Variants in JAKMIP2 observed in about 807,000 individuals in gnomAD.
JAKMIP2 encodes janus kinase and microtubule interacting protein 2, also known as janus kinase and microtubule-interacting protein 2.
Under a neutral mutation model 115.0 loss-of-function variants are expected in JAKMIP2, and 25 were observed. The observed-to-expected ratio is 0.22, with a 90% CI of 0.16 to 0.30. JAKMIP2 has a LOEUF of 0.30. Among genes scored for constraint, JAKMIP2 ranks in the 10% least tolerant of loss-of-function variants. The pLI, the probability that JAKMIP2 is intolerant of heterozygous loss-of-function variation, is 1.00. For missense variants in JAKMIP2, 642 were observed against 957.6 expected (o/e 0.67, Z 4.35); for synonymous variants, 334 against 343.6 (o/e 0.97, Z 0.31).
chr5:147,708,576 T>C (rs1050320419), intron 1 of JAKMIP2, among the ~76,000 whole-genome samples: 8 of 152,236 alleles, frequency 5.3e-5, no homozygotes, highest in African/African-American at 1.4e-4. Flanking sequence ...CTTGTTATTT[T>C]TCATTCACAG....
chr5:147,775,308 A>G (rs1398472384), intron 1 of JAKMIP2, among the ~76,000 whole-genome samples: 1 of 152,192 alleles, frequency 6.6e-6, no homozygotes, highest in Non-Finnish European at 1.5e-5. Context: ...TAATTTTTGA[A>G]TGGAGATAGG....
intron 1 of JAKMIP2, among the ~76,000 whole-genome samples, chr5:147,738,529 T>C (rs182492321): frequency 1.7e-4 from 26 of 152,176 alleles, no homozygotes; most frequent in African/African-American, 5.5e-4. Context: ...CCCACTGGCA[T>C]AAATCTTGAA....
chr5:147,712,715 T>C (rs970143564), intron 1 of JAKMIP2, among the ~76,000 whole-genome samples: 1 of 152,144 alleles, frequency 6.6e-6, no homozygotes. Context: ...TCCATCTTAA[T>C]TTTGACATCG....
At chr5:147,726,722 T>C (rs72835159) in intron 1 of JAKMIP2, among the ~76,000 whole-genome samples, 18,450 of 152,216 alleles carry the variant, frequency 0.12, 1,202 homozygotes, top group Middle Eastern at 0.18. Context: ...TTGCTGCAGG[T>C]CCCTGAAACA....
chr5:147,644,946 C>A lies in JAKMIP2; in HGVS notation c.987G>T (p.Arg329Ser). The change falls in exon 6 of 22, where the codon AGG becomes AGT. Residue 329 changes from arginine (R) to serine (S), a missense_variant. Coordinates refer to ENST00000616793, the MANE Select transcript of JAKMIP2 (RefSeq NM_001270941.2). ...CGTTTCTCTTGGCGAGGCACTTGTT[C>A]CTTTCCAGGAGAGGTTTACATTGCT... ...TEKQCKPLLE[R>S]NKCLAKRNDE... 6.2e-7 allele frequency: 1 copy of A among 1,613,346 alleles called. No individual in the cohort carries two copies. The highest frequency in any genetic ancestry group is 8.5e-7 in the Non-Finnish European group (1 of 1,179,790).
intron 15 of JAKMIP2, among the ~76,000 whole-genome samples, 168 bp from the exon 16 acceptor site, chr5:147,628,984 C>T (rs1757235476): frequency 1.3e-5 from 2 of 152,012 alleles, no homozygotes; most frequent in African/African-American, 4.8e-5. Flanking sequence ...AATCAAAACC[C>T]GGAAGAAGTA....
At chr5:147,703,561 T>G (rs1324384761) in intron 1 of JAKMIP2, among the ~76,000 whole-genome samples, 1 of 151,680 alleles carries the variant, frequency 6.6e-6, no homozygotes, top group South Asian at 2.1e-4. Context: ...TTTTATTTCT[T>G]CAATAAGAAG....
At chr5:147,604,570 A>G (rs1196163731) in intron 20 of JAKMIP2, among the ~76,000 whole-genome samples, 1 of 152,156 alleles carries the variant, frequency 6.6e-6, no homozygotes, top group Non-Finnish European at 1.5e-5. Flanking sequence ...TAATTATAGA[A>G]GCAATCTGGG....
At chr5:147,643,253 G>A (rs1157815821) in intron 7 of JAKMIP2, among the ~76,000 whole-genome samples, 1 of 152,094 alleles carries the variant, frequency 6.6e-6, no homozygotes, top group Non-Finnish European at 1.5e-5. Context: ...TAAAAAGGAT[G>A]AATCATAAGT....
chr5:147,736,178 G>A (rs759324521), intron 1 of JAKMIP2, among the ~76,000 whole-genome samples: 6 of 152,080 alleles, frequency 3.9e-5, no homozygotes, highest in South Asian at 2.1e-4. Context: ...TTTGGGGGCC[G>A]GGCACAGTGG....
chr5:147,639,894 A>G (rs1342289701), intron 9 of JAKMIP2, 134 bp from the exon 10 acceptor site: 1 of 1,002,396 alleles, frequency 1.0e-6, no homozygotes, highest in Admixed American at 2.5e-5. Context: ...TTTTATTTTT[A>G]GCTCTGAAGT....
intron 1 of JAKMIP2, among the ~76,000 whole-genome samples, chr5:147,773,482 A>T (rs1755441434): frequency 6.6e-6 from 1 of 152,284 alleles, no homozygotes; most frequent in East Asian, 1.9e-4. Context: ...GTGAAAGTTC[A>T]GCAAGCAAAT....
At chr5:147,658,441 G>A (rs1187323446) in intron 3 of JAKMIP2, among the ~76,000 whole-genome samples, 1 of 152,188 alleles carries the variant, frequency 6.6e-6, no homozygotes. Flanking sequence ...TGTATGAGGT[G>A]TCTGTTGGCC....
intron 20 of JAKMIP2, among the ~76,000 whole-genome samples, chr5:147,607,833 T>G (rs1301952460): frequency 6.6e-6 from 1 of 152,232 alleles, no homozygotes; most frequent in Admixed American, 6.5e-5. Flanking sequence ...AGGCAATTAA[T>G]TACTGCCTCT....
intron 21 of JAKMIP2, chr5:147,594,328 C>T (rs1384180953): frequency 8.3e-6 from 3 of 362,214 alleles, no homozygotes; most frequent in Non-Finnish European, 1.8e-5. Flanking sequence ...TTACTGCATG[C>T]TACAAATTCT....
intron 1 of JAKMIP2, among the ~76,000 whole-genome samples, chr5:147,712,826 T>G (rs572989569): frequency 2.0e-5 from 3 of 152,348 alleles, no homozygotes; most frequent in Admixed American, 1.3e-4. Flanking sequence ...TACATTTTAC[T>G]GCAAACACAG....
chr5:147,715,995 TC>T (rs1752971119), intron 1 of JAKMIP2, among the ~76,000 whole-genome samples: 1 of 86,192 alleles, frequency 1.2e-5, no homozygotes, highest in African/African-American at 4.6e-5. Flanking sequence ...CCCTCCCCCC[TC>T]CCCCCACCCC....
Position 147,782,569 on chromosome 5 carries a change from G to T in JAKMIP2, c.-262C>A. ...AACCCAACATCAGCAGTGGCTGCCGGTTTTTTTTTTCCCTCTGTCTCTGGT... is the reference window on the plus strand; with the variant it reads ...AACCCAACATCAGCAGTGGCTGCCGTTTTTTTTTTTCCCTCTGTCTCTGGT... On this transcript the variant is annotated 5_prime_UTR_variant, in exon 1 of 22. Transcript: ENST00000616793. 1.2e-5 allele frequency: 12 copies of T among 1,039,508 alleles called. No homozygotes were observed. The highest frequency in any genetic ancestry group is 2.2e-5 in the Admixed American group (1 of 45,080). The allele number at this position is 1,039,508 out of a possible 1,614,324, so 64.4% of individuals were successfully genotyped here. A position where few individuals can be genotyped will look rare whatever the true frequency, so the allele number is the denominator to read the frequency against.
intron 20 of JAKMIP2, among the ~76,000 whole-genome samples, chr5:147,604,988 C>T (rs1024587707): frequency 2.0e-5 from 3 of 151,754 alleles, no homozygotes. Flanking sequence ...TCCCCACCCC[C>T]CGACAGGCCC....
Sources: allele counts gnomAD v4.1 joint callset (sites outside exome capture counted in the v4.1 genomes callset), GRCh38; gene constraint gnomAD v4.1.1; transcripts MANE v1.5; gene names NCBI Gene and HGNC (gene_info 2026-07-23, HGNC 2026-07-21).